The following ARHGAP12 variants were observed in gnomAD, a reference collection of about 807,000 sequenced individuals.
ARHGAP12 encodes rho GTPase-activating protein 12.
Under a neutral mutation model 108.6 loss-of-function variants are expected in ARHGAP12, and 64 were observed. The ratio of observed to expected loss-of-function variants is 0.59; its 90% confidence interval spans 0.48 to 0.73. The LOEUF (loss-of-function observed/expected upper bound fraction) is 0.73. Among genes scored for constraint, ARHGAP12 ranks in the 30% least tolerant of loss-of-function variants. The pLI is 0.00. For synonymous variants in ARHGAP12, 312 were observed against 337.2 expected, an observed-to-expected ratio of 0.93 and a Z score of 0.82; for missense variants, 940 against 1,005.9, an observed-to-expected ratio of 0.93 and a Z score of 0.89.
chr10:31,878,686 CCT>C (rs1402504956), intron 3 of ARHGAP12, among the ~76,000 whole-genome samples: 10 of 152,336 alleles, frequency 6.6e-5, no homozygotes, highest in East Asian at 1.9e-4. Context: ...AAGCCATGCT[CCT>C]CTGTTTCCAT....
intron 12 of ARHGAP12, among the ~76,000 whole-genome samples, chr10:31,818,135 TC>T (rs1835276185): frequency 6.6e-6 from 1 of 152,164 alleles, no homozygotes; most frequent in Non-Finnish European, 1.5e-5. Flanking sequence ...TAATTTAGGA[TC>T]CCAAACACCA....
intron 3 of ARHGAP12, among the ~76,000 whole-genome samples, chr10:31,863,434 A>G (rs950676955): frequency 3.3e-5 from 5 of 152,188 alleles, no homozygotes; most frequent in Non-Finnish European, 7.4e-5. Flanking sequence ...TAAAGATGCT[A>G]AGAAACAGCC....
At chr10:31,906,584 G>T (rs1196432222) in intron 3 of ARHGAP12, among the ~76,000 whole-genome samples, 2 of 152,094 alleles carry the variant, frequency 1.3e-5, no homozygotes, top group Non-Finnish European at 2.9e-5. Context: ...ATGAGAGCAG[G>T]GGAAAATAAG....
At chr10:31,822,040 A>G (rs1835435863) in intron 11 of ARHGAP12, among the ~76,000 whole-genome samples, 2 of 152,160 alleles carry the variant, frequency 1.3e-5, no homozygotes, top group Non-Finnish European at 2.9e-5. Context: ...AATAAGATAT[A>G]GCAATTAAAT....
chr10:31,891,322 T>C lies in ARHGAP12; in HGVS notation c.684+16850A>G, dbSNP rs553216575. Among the ~76,000 whole-genome samples, 5 of 152,348 alleles carry C rather than the reference T, an allele frequency of 3.3e-5. No homozygotes were observed. The East Asian group carries it at 7.7e-4, about 23-fold the overall frequency. On this transcript the variant is annotated intron_variant, in intron 3 of 19. Transcript: ENST00000344936. ...CAGCATTTGTTTGTGGAGGATTTTA[T>C]TTCTCCTTCACTTATGAAGCTTAGT... is the stretch of plus-strand genomic sequence containing the variant.
At chr10:31,908,034 TA>T in intron 3 of ARHGAP12, 137 bp downstream of exon 3, 2 of 780,148 alleles carry the variant, frequency 2.6e-6, no homozygotes, top group Non-Finnish European at 3.8e-6. Flanking sequence ...TCTAGATCTC[TA>T]AATCAGGATA....
At chr10:31,894,679 T>C (rs1315033092) in intron 3 of ARHGAP12, among the ~76,000 whole-genome samples, 1 of 152,110 alleles carries the variant, frequency 6.6e-6, no homozygotes, top group Non-Finnish European at 1.5e-5. Context: ...CTGCCCAAGG[T>C]AGATTATAGA....
chr10:31,896,090 G>T (rs1434261602), intron 3 of ARHGAP12, among the ~76,000 whole-genome samples: 1 of 152,040 alleles, frequency 6.6e-6, no homozygotes, highest in African/African-American at 2.4e-5. Context: ...GGCCTGTTGT[G>T]GGGTGGGGGG....
chr10:31,810,702 TTC>T lies in ARHGAP12; in HGVS notation c.1995_1996del (p.Asn666TrpfsTer12). On this transcript the variant is annotated frameshift_variant, in exon 16 of 20. Transcript: ENST00000344936. LOFTEE classifies it high-confidence loss of function. ...CTTCACAAACTTTGGTACTGTGCCA[TTC>T]TCTCTCTGACACAGATTAGCGAGAT... The T allele has an allele frequency of 1.2e-6, 2 of 1,609,222 alleles. No homozygotes were observed. The highest frequency in any genetic ancestry group is 1.7e-6 in the Non-Finnish European group (2 of 1,178,030).
chr10:31,818,326 A>C (rs1465489899), intron 12 of ARHGAP12, among the ~76,000 whole-genome samples: 2 of 152,192 alleles, frequency 1.3e-5, no homozygotes, highest in Non-Finnish European at 2.9e-5. Context: ...AGAATACATA[A>C]AGACTTTCAA....
chr10:31,856,117 G>C (rs992338023), intron 4 of ARHGAP12, among the ~76,000 whole-genome samples: 4 of 152,036 alleles, frequency 2.6e-5, no homozygotes, highest in African/African-American at 9.7e-5. Context: ...ATAGAAGAAT[G>C]GCAGGTAGGT....
intron 3 of ARHGAP12, 29 bp downstream of exon 3, chr10:31,908,143 G>A (rs1471806168): frequency 1.3e-6 from 2 of 1,526,326 alleles, no homozygotes; most frequent in Non-Finnish European, 1.8e-6. Context: ...GGGTGGTACA[G>A]TGTTTCCTCA....
At chr10:31,907,465 A>AC (rs1358477038) in intron 3 of ARHGAP12, among the ~76,000 whole-genome samples, 1 of 121,262 alleles carries the variant, frequency 8.2e-6, no homozygotes. Context: ...TCTCTAAAAA[A>AC]AAAAAAAATT....
Position 31,820,469 on chromosome 10 carries a change from T to G in ARHGAP12, c.1550A>C (p.Lys517Thr), listed in dbSNP as rs1383850259. The part of the protein sequence containing the change: ...STSWFGSNQS[K>T]PEFTVDLKGA... ...CTTGAGGTCCACTGTGAACTCTGGT[T>G]TGGACTGATTACTGCCAAACTTCAT... Residue 517 changes from lysine (K) to threonine (T), a missense_variant, in exon 12 of 20, where the codon AAA (lysine) becomes ACA (threonine). Coordinates refer to ENST00000344936, the MANE Select transcript of ARHGAP12 (RefSeq NM_018287.7). 1 of 1,601,274 alleles carries G rather than the reference T, an allele frequency of 6.2e-7. No individual in the cohort carries two copies. Among genetic ancestry groups the G allele is most frequent in the Non-Finnish European group, 8.5e-7 (1 of 1,174,316 alleles).
chr10:31,831,514 G>A (rs1835833360), intron 10 of ARHGAP12, among the ~76,000 whole-genome samples: 1 of 151,798 alleles, frequency 6.6e-6, no homozygotes, highest in Non-Finnish European at 1.5e-5. Flanking sequence ...TGCATCCTCA[G>A]AACCCTCTGC....
At chr10:31,833,154 T>C (rs1384071930) in intron 9 of ARHGAP12, among the ~76,000 whole-genome samples, 1 of 151,912 alleles carries the variant, frequency 6.6e-6, no homozygotes, top group Non-Finnish European at 1.5e-5. Context: ...ACATTTTTAA[T>C]TTGCCGCCTG....
chr10:31,881,015 T>C (rs536447991), intron 3 of ARHGAP12, among the ~76,000 whole-genome samples: 2 of 152,034 alleles, frequency 1.3e-5, no homozygotes, highest in South Asian at 2.1e-4. Context: ...GTGAACCAAG[T>C]TGCAGTGACC....
intron 1 of ARHGAP12, among the ~76,000 whole-genome samples, chr10:31,925,212 T>C (rs1364377857): frequency 6.6e-6 from 1 of 152,180 alleles, no homozygotes; most frequent in Non-Finnish European, 1.5e-5. Context: ...ACTATTATCA[T>C]CATCCTACCA....
At chr10:31,901,698 C>A (rs1564423005) in intron 3 of ARHGAP12, among the ~76,000 whole-genome samples, 1 of 152,114 alleles carries the variant, frequency 6.6e-6, no homozygotes. Context: ...AAGTCATAGT[C>A]CACAGAGGTA....
Sources: gnomAD v4.1 joint callset for allele counts (sites outside exome capture counted in the v4.1 genomes callset) on GRCh38, gnomAD v4.1.1 for gene constraint, MANE v1.5 for transcripts, NCBI Gene and HGNC (gene_info 2026-07-23, HGNC 2026-07-21) for gene names.